FBXO31: variants seen among roughly 807,000 people sequenced by gnomAD.
The protein encoded by FBXO31 is F-box only protein 31.
In FBXO31, 24 loss-of-function variants were observed where a neutral mutation model predicts 54.4. The observed-to-expected ratio is 0.44, with a 90% CI of 0.32 to 0.62. The LOEUF (loss-of-function observed/expected upper bound fraction) is 0.62. FBXO31 is among the 20% of genes least tolerant of loss of function. The pLI, the probability that FBXO31 is intolerant of heterozygous loss-of-function variation, is 0.05. For missense variants in FBXO31, 665 were observed against 787.1 expected, an observed-to-expected ratio of 0.84 and a Z score of 1.86; for synonymous variants, 388 against 335.6, an observed-to-expected ratio of 1.16 and a Z score of -1.71.
At chr16:87,343,043 C>T in intron 4 of FBXO31, 92 bp from the exon 5 acceptor site, 2 of 1,076,134 alleles carry the variant, frequency 1.9e-6, no homozygotes, top group Non-Finnish European at 2.7e-6. Flanking sequence ...CGACCCCTCC[C>T]TCACCACACC....
intron 5 of FBXO31, among the ~76,000 whole-genome samples, chr16:87,340,008 C>T (rs886472437): frequency 2.0e-5 from 3 of 152,202 alleles, no homozygotes; most frequent in African/African-American, 4.8e-5. Context: ...TTCGGCCGGG[C>T]GCGGTGGCTC....
In FBXO31 at chr16:87,330,150, G is replaced by C. The variant is rs1320692096; in HGVS notation, c.*1138C>G. ...ACACCGTGCTCTCTGTTCTTCAGGA[G>C]ATGCCAACCTCAGCCAAGACCTCAG... On this transcript the variant is annotated 3_prime_UTR_variant, in exon 9 of 9. Transcript: ENST00000311635. 6.6e-6 allele frequency: 1 copy of C among 152,446 alleles called. No homozygotes were observed. The highest frequency in any genetic ancestry group is 6.5e-5 in the Admixed American group (1 of 15,294). The allele number at this position is 152,446 out of a possible 1,614,324, so 9.4% of individuals were successfully genotyped here.
intron 8 of FBXO31, among the ~76,000 whole-genome samples, chr16:87,333,606 G>A (rs759255185): frequency 1.3e-5 from 2 of 152,228 alleles, no homozygotes; most frequent in Non-Finnish European, 2.9e-5. Flanking sequence ...TTGCAGGGAT[G>A]TGAGGCATCT....
At position 87,333,461 on chromosome 16, in the gene FBXO31, C is replaced by T. The variant is rs112609901; in HGVS notation, c.1397+425G>A. Among the ~76,000 whole-genome samples the T allele has an allele frequency of 7.0e-3, 1,056 of 151,778 alleles. 10 individuals carry two copies. The highest frequency in any genetic ancestry group is 0.024 in the African/African-American group (997 of 41,476). On this transcript the variant is annotated intron_variant, in intron 8 of 8. Coordinates refer to ENST00000311635, the MANE Select transcript of FBXO31 (RefSeq NM_024735.5). ...CTGTCCAGGAGGACACCAAACCAGA[C>T]GGGCTTTCCACAGGGTGGGTGGGGA...
chr16:87,339,935 A>G (rs1461451270), intron 5 of FBXO31, among the ~76,000 whole-genome samples: 1 of 152,228 alleles, frequency 6.6e-6, no homozygotes, highest in Admixed American at 6.5e-5. Flanking sequence ...AGCCTGGGCA[A>G]CACAGTGAGA....
Position 87,383,364 on chromosome 16 carries a change from A to ACCCCCCCCCCCCCCCCGGCCCCCCCC in FBXO31, c.340+40_340+41insGGGGGGGGCCGGGGGGGGGGGGGGGG. On this transcript the variant is annotated intron_variant, in intron 1 of 8. Transcript: ENST00000311635. This position sits in a 1 kb window ranked among gnomAD's most constrained non-coding sequence, Gnocchi z 4.9. ...GCTCCGAGGCCTCCACCTGGCAGGG[A>ACCCCCCCCCCCCCCCCGGCCCCCCCC]CCCCCCGCCCCTCCCGGCCCCGCCA... 1 of 1,329,444 alleles carries ACCCCCCCCCCCCCCCCGGCCCCCCCC rather than the reference A, an allele frequency of 7.5e-7. No homozygotes were observed. The highest frequency in any genetic ancestry group is 1.0e-6 in the Non-Finnish European group (1 of 975,776). The allele number at this position is 1,329,444 out of a possible 1,614,324, so 82.4% of individuals were successfully genotyped here. A position where few individuals can be genotyped will look rare whatever the true frequency, so the allele number is the denominator to read the frequency against.
intron 1 of FBXO31, chr16:87,367,530 T>C (rs1210524700): frequency 6.6e-6 from 1 of 152,232 alleles, no homozygotes; most frequent in Non-Finnish European, 1.5e-5. Context: ...AAGTACTTTA[T>C]CCTCTTCTTA....
At chr16:87,380,366 G>C (rs1907024366) in intron 1 of FBXO31, among the ~76,000 whole-genome samples, 2 of 151,954 alleles carry the variant, frequency 1.3e-5, no homozygotes, top group Admixed American at 1.3e-4. Context: ...CCTTTATTGG[G>C]GATGGCCGGA....
intron 2 of FBXO31, among the ~76,000 whole-genome samples, chr16:87,352,075 G>C (rs932283423): frequency 3.9e-5 from 6 of 152,174 alleles, no homozygotes; most frequent in African/African-American, 1.4e-4. Context: ...AAGCTCCCAG[G>C]TGACTGTGAT....
At position 87,342,864 on chromosome 16, in the gene FBXO31, C is replaced by A; in HGVS notation, c.732+13G>T. 1.3e-6 allele frequency: 2 copies of A among 1,591,308 alleles called. No individual in the cohort carries two copies. The highest frequency in any genetic ancestry group is 2.3e-5 in the East Asian group (1 of 44,164). On this transcript the variant is annotated intron_variant, in intron 5 of 8. Transcript: ENST00000311635. ...CCGCACCATATGAACACAGGGCCGG[C>A]TGGTGGGCTCACCTCCTGCCTCCCG...
upstream of FBXO31, among the ~76,000 whole-genome samples, chr16:87,385,093 G>T (rs1192088307): frequency 6.6e-6 from 1 of 152,098 alleles, no homozygotes; most frequent in Non-Finnish European, 1.5e-5. Context: ...GCCGAGGCGG[G>T]TAGATCGGTT....
rs1168695109 is a variant in FBXO31 at position 87,345,602 on chromosome 16, C to A, written c.489+1572G>T. On this transcript the variant is annotated intron_variant, in intron 3 of 8. Transcript: ENST00000311635. The surrounding 1 kb of genome is among the most constrained non-coding windows in gnomAD (Gnocchi z 4.9). The stretch of plus-strand genomic sequence containing the variant: ...CTGGCCCTGGCCCCAGAGCTCATAT[C>A]AAACCTGCCCTCCTGCTGAGACCAG... Among the ~76,000 whole-genome samples the A allele has an allele frequency of 6.6e-6, 1 of 152,222 alleles. No individual in the cohort carries two copies. Among genetic ancestry groups the A allele is most frequent in the Non-Finnish European group, 1.5e-5 (1 of 68,042 alleles).
In FBXO31 at chr16:87,353,624, G is replaced by A. The variant is rs192100346; in HGVS notation, c.413-6374C>T. Among the ~76,000 whole-genome samples the A allele has an allele frequency of 8.3e-3, 1,267 of 152,332 alleles. 17 individuals carry two copies. The highest frequency in any genetic ancestry group is 0.042 in the Admixed American group (649 of 15,300). Reference sequence around the variant, plus strand: ...GTAAGGAGGCTCCGCAAGAGCCTTCGGAGGCAGCAGGGCCCCGGACACCGT... The same window carrying A: ...GTAAGGAGGCTCCGCAAGAGCCTTCAGAGGCAGCAGGGCCCCGGACACCGT... On this transcript the variant is annotated intron_variant, in intron 2 of 8. Transcript: ENST00000311635.
rs1425499121 is a variant in FBXO31 at position 87,358,817 on chromosome 16, G to A, written c.412+1478C>T. Among the ~76,000 whole-genome samples the A allele has an allele frequency of 1.3e-5, 2 of 152,180 alleles. No individual in the cohort carries two copies. Among genetic ancestry groups the A allele is most frequent in the Non-Finnish European group, 2.9e-5 (2 of 68,038 alleles). On this transcript the variant is annotated intron_variant, in intron 2 of 8. Transcript: ENST00000311635. This position sits in a 1 kb window ranked among gnomAD's most constrained non-coding sequence, Gnocchi z 4.0. ...CCAGGCCACAGCTCACTGGGGCTCA[G>A]GAGGTGGGAGGGCAGGTGTCCTGGC... is the stretch of plus-strand genomic sequence containing the variant.
At chr16:87,378,045 G>C (rs947947274) in intron 1 of FBXO31, among the ~76,000 whole-genome samples, 26 of 151,768 alleles carry the variant, frequency 1.7e-4, no homozygotes, top group Non-Finnish European at 3.5e-4. Flanking sequence ...TGTAATCCCA[G>C]TTATTCAGGA....
Position 87,342,898 on chromosome 16 carries a change from C to T in FBXO31, c.711G>A (p.Arg237=). 2 of 1,606,124 alleles carry T rather than the reference C, an allele frequency of 1.2e-6. No individual in the cohort carries two copies. Among genetic ancestry groups the T allele is most frequent in the Non-Finnish European group, 1.7e-6 (2 of 1,176,682 alleles). Residue 237 remains arginine (R), a synonymous_variant, in exon 5 of 9, where the codon AGG becomes AGA. Coordinates refer to ENST00000311635, the MANE Select transcript of FBXO31 (RefSeq NM_024735.5). The stretch of plus-strand genomic sequence containing the variant: ...TCACCTCCTGCCTCCCGCCGGACAT[C>T]CTGTGGTGGTCCGTCTGGTTGCACT... ...STKCNQTDHH[R]MSGGRQEEFR...
rs999855736 is a variant in FBXO31 at position 87,336,993 on chromosome 16, G to A, written c.733-729C>T. Among the ~76,000 whole-genome samples the A allele has an allele frequency of 6.6e-6, 1 of 152,070 alleles. No individual in the cohort carries two copies. The highest frequency in any genetic ancestry group is 2.4e-5 in the African/African-American group (1 of 41,390). On this transcript the variant is annotated intron_variant, in intron 5 of 8. Transcript: ENST00000311635. This position sits in a 1 kb window ranked among gnomAD's most constrained non-coding sequence, Gnocchi z 6.5. ...ACCTAACTCTGAAAGGGACGCATAA[G>A]CAACTCACAAAAAAGAGGAAACACG...
intron 2 of FBXO31, among the ~76,000 whole-genome samples, chr16:87,360,023 C>T (rs1242865951): frequency 6.6e-6 from 1 of 152,196 alleles, no homozygotes. Flanking sequence ...ACACCCAAGT[C>T]GCTCTGGTGC....
At chr16:87,362,147 C>A (rs1329325229) in intron 1 of FBXO31, among the ~76,000 whole-genome samples, 4 of 152,176 alleles carry the variant, frequency 2.6e-5, no homozygotes, top group African/African-American at 9.7e-5. Context: ...GCCGGGGCTG[C>A]CCTGATGGAA....
Sources: gnomAD v4.1 joint callset for allele counts (sites outside exome capture counted in the v4.1 genomes callset) on GRCh38, gnomAD v4.1.1 for gene constraint, Gnocchi (gnomAD v3.1) non-coding constraint, MANE v1.5 for transcripts, NCBI Gene and HGNC (gene_info 2026-07-23, HGNC 2026-07-21) for gene names.